The following SLC44A3 variants were observed in gnomAD, a reference collection of about 807,000 sequenced individuals.
The protein encoded by SLC44A3 is choline transporter-like protein 3.
In SLC44A3, 74 loss-of-function variants were observed where a neutral mutation model predicts 75.4. That is an observed-to-expected ratio of 0.98 (90% CI 0.81 to 1.19). The LOEUF (loss-of-function observed/expected upper bound fraction) is 1.19. SLC44A3 is among the 50% of genes most tolerant of loss of function. SLC44A3 has a pLI of 0.00. For missense variants in SLC44A3, 700 were observed against 778.6 expected (o/e 0.90, Z 1.20); for synonymous variants, 310 against 296.9 (o/e 1.04, Z -0.45).
intron 8 of SLC44A3, among the ~76,000 whole-genome samples, 157 bp from the exon 9 acceptor site, chr1:94,845,121 T>C (rs926801139): frequency 1.3e-5 from 2 of 152,198 alleles, no homozygotes; most frequent in Admixed American, 6.5e-5. Flanking sequence ...GCTCAGTTAG[T>C]GTTTGCGAAT....
At chr1:94,871,973 G>A (rs1667807468) in intron 12 of SLC44A3, among the ~76,000 whole-genome samples, 1 of 152,236 alleles carries the variant, frequency 6.6e-6, no homozygotes, top group African/African-American at 2.4e-5. Context: ...CACGTAGACA[G>A]TTGGGATTTG....
rs915104948 is a variant in SLC44A3, at chr1:94,863,489, T to C, written c.1239-1254T>C. Among the ~76,000 whole-genome samples the C allele has an allele frequency of 1.3e-4, 20 of 151,892 alleles. 1 individual carries two copies. The highest frequency in any genetic ancestry group is 2.4e-4 in the Non-Finnish European group (16 of 67,988). On this transcript the variant is annotated intron_variant, in intron 10 of 14. Transcript: ENST00000271227. ...TCCCCTCTTGAGCACCATAATAAGT[T>C]CTAAGGCACACAAATCTCCTCAATG...
At chr1:94,871,046 C>T (rs372789194) in intron 12 of SLC44A3, among the ~76,000 whole-genome samples, 5 of 152,280 alleles carry the variant, frequency 3.3e-5, no homozygotes, top group African/African-American at 1.2e-4. Context: ...AGAGGAGGCA[C>T]ATAGTGGCAG....
intron 3 of SLC44A3, among the ~76,000 whole-genome samples, chr1:94,826,416 C>T (rs1472392615): frequency 1.3e-5 from 2 of 152,080 alleles, no homozygotes; most frequent in Non-Finnish European, 2.9e-5. Context: ...GTTTGGAAGG[C>T]CAAGGCGGGC....
Position 94,828,515 on chromosome 1 carries a change from T to A in SLC44A3, c.438T>A (p.Ser146Arg). 1 of 1,614,004 alleles carries A rather than the reference T, an allele frequency of 6.2e-7. No homozygotes were observed. Among genetic ancestry groups the A allele is most frequent in the South Asian group, 1.1e-5 (1 of 91,016 alleles). Residue 146 changes from serine to arginine, a missense_variant, in exon 5 of 15, where the codon AGT becomes AGA. Physicochemically the swap from Ser to Arg is moderately radical, Grantham distance 110. Coordinates refer to ENST00000271227, the MANE Select transcript of SLC44A3 (RefSeq NM_001114106.3). ...NTSGSFLCVYSLNSFNYTHSP... is the reference protein window; with the variant it reads ...NTSGSFLCVYRLNSFNYTHSP... ...CAGGGTCCTTCCTGTGTGTTTATAG[T>A]TTGAATTCCTTCAACTATACCCACA...
intron 5 of SLC44A3, 101 bp from the exon 6 acceptor site, chr1:94,837,610 T>C (rs1571213286): frequency 8.2e-7 from 1 of 1,212,284 alleles, no homozygotes; most frequent in East Asian, 2.7e-5. Flanking sequence ...TCTATTACTG[T>C]AGTTCTTAAG....
chr1:94,858,672 G>GGTGT (rs1160082812), intron 10 of SLC44A3, among the ~76,000 whole-genome samples: 1 of 98,758 alleles, frequency 1.0e-5, no homozygotes, highest in Non-Finnish European at 2.3e-5. Context: ...AGCACTGTCG[G>GGTGT]GTGTTTGTTT....
At position 94,828,509 on chromosome 1, in the gene SLC44A3, T is replaced by A; in HGVS notation, c.432T>A (p.Val144=). The part of the protein sequence containing the change: ...FANTSGSFLC[V]YSLNSFNYTH... ...TGCTTCCAGGGTCCTTCCTGTGTGT[T>A]TATAGTTTGAATTCCTTCAACTATA... The change falls in exon 5 of 15, where the codon GTT becomes GTA. Residue 144 remains valine, a synonymous_variant. Coordinates refer to ENST00000271227, the MANE Select transcript of SLC44A3 (RefSeq NM_001114106.3). 6.2e-7 allele frequency: 1 copy of A among 1,613,790 alleles called. No individual in the cohort carries two copies. Among genetic ancestry groups the A allele is most frequent in the Non-Finnish European group, 8.5e-7 (1 of 1,179,814 alleles).
chr1:94,859,739 G>C (rs1263278553), intron 10 of SLC44A3, among the ~76,000 whole-genome samples: 1 of 152,110 alleles, frequency 6.6e-6, no homozygotes, highest in Non-Finnish European at 1.5e-5. Flanking sequence ...AAAGCAGGGG[G>C]AGTAAGTGAA....
Position 94,829,046 on chromosome 1 carries a change from C to T in SLC44A3, c.509+460C>T, listed in dbSNP as rs558842034. Among the ~76,000 whole-genome samples the T allele has an allele frequency of 1.9e-3, 289 of 152,226 alleles. 2 individuals carry two copies. Among genetic ancestry groups the T allele is most frequent in the African/African-American group, 6.5e-3 (271 of 41,544 alleles). On this transcript the variant is annotated intron_variant, in intron 5 of 14. Coordinates refer to ENST00000271227, the MANE Select transcript of SLC44A3 (RefSeq NM_001114106.3). ...ACGAGGTCAGGAGATGGAGACCATC[C>T]TGGCCAACGTGGTGAATCCCCATCT...
At chr1:94,882,305 G>A (rs1188938719) in intron 12 of SLC44A3, among the ~76,000 whole-genome samples, 1 of 152,212 alleles carries the variant, frequency 6.6e-6, no homozygotes, top group Non-Finnish European at 1.5e-5. Flanking sequence ...GCTGCCTGGA[G>A]TTCCTTGCCA....
rs1232400345 is a variant in SLC44A3 at position 94,895,043 on chromosome 1, A to G, written c.*121A>G. ...TTTTTTAAAAGACCTAATAAACCCT[A>G]TTCTTCCTCATTGTCTTTGTCATTA... On this transcript the variant is annotated 3_prime_UTR_variant, in exon 15 of 15. Coordinates refer to ENST00000271227, the MANE Select transcript of SLC44A3 (RefSeq NM_001114106.3). The G allele has an allele frequency of 1.5e-6, 1 of 648,138 alleles. No individual in the cohort carries two copies. The highest frequency in any genetic ancestry group is 2.7e-6 in the Non-Finnish European group (1 of 372,400). 40.1% of individuals were successfully genotyped at this position (648,138 alleles called of 1,614,324 possible).
rs367937576 is a variant in SLC44A3, at chr1:94,837,809, G to A, written c.608G>A (p.Arg203Gln). The change falls in exon 6 of 15, where the codon CGA becomes CAA. Residue 203 changes from arginine (R) to glutamine (Q), a missense_variant. Arg to Gln is a conservative substitution (Grantham distance 43). Coordinates refer to ENST00000271227, the MANE Select transcript of SLC44A3 (RefSeq NM_001114106.3). ...VLINDVDTLH[R>Q]ILSGIMSGRD... ...ATAAATGATGTTGACACCCTCCACCGAATTCTAAGTGGAATCATGTCGGGA... is the reference window on the plus strand; with the variant it reads ...ATAAATGATGTTGACACCCTCCACCAAATTCTAAGTGGAATCATGTCGGGA... 2.4e-5 allele frequency: 38 copies of A among 1,612,326 alleles called. No individual in the cohort carries two copies. The highest frequency in any genetic ancestry group is 3.3e-5 in the South Asian group (3 of 90,732).
At chr1:94,888,434 A>G (rs1669837274) in intron 12 of SLC44A3, among the ~76,000 whole-genome samples, 1 of 152,176 alleles carries the variant, frequency 6.6e-6, no homozygotes, top group Admixed American at 6.5e-5. Flanking sequence ...GGATGAATGA[A>G]TAGATTGGTC....
chr1:94,880,791 G>T (rs1488803786), intron 12 of SLC44A3, among the ~76,000 whole-genome samples: 2 of 151,810 alleles, frequency 1.3e-5, no homozygotes, highest in Non-Finnish European at 2.9e-5. Flanking sequence ...TGCAGGATGA[G>T]AAAGTTCTAG....
chr1:94,827,803 T>C (rs577526161), intron 4 of SLC44A3, among the ~76,000 whole-genome samples, 160 bp downstream of exon 4: 7 of 152,348 alleles, frequency 4.6e-5, no homozygotes, highest in African/African-American at 1.7e-4. Flanking sequence ...AAGCATTTTC[T>C]CTTGAGCTTG....
chr1:94,865,444 G>C (rs907931046), intron 11 of SLC44A3, among the ~76,000 whole-genome samples: 2 of 152,156 alleles, frequency 1.3e-5, no homozygotes, highest in Non-Finnish European at 2.9e-5. Context: ...GTACATGCGT[G>C]TGTACACATG....
rs1347622002 is a variant in SLC44A3 at position 94,842,031 on chromosome 1, T to C, written c.792T>C (p.Tyr264=). The change falls in exon 8 of 15, where the codon TAT becomes TAC. Residue 264 remains tyrosine (Y), a synonymous_variant. Coordinates refer to ENST00000271227, the MANE Select transcript of SLC44A3 (RefSeq NM_001114106.3). ...GCGGTGTTTTATGGTGGCTGTATTA[T>C]GACTATACCAACGACCTCAGCATAG... ...FVCGVLWWLY[Y]DYTNDLSIEL... is the part of the protein sequence containing the mutation. 9.3e-6 allele frequency: 15 copies of C among 1,613,508 alleles called. No homozygotes were observed. The highest frequency in any genetic ancestry group is 1.3e-5 in the Non-Finnish European group (15 of 1,179,786).
intron 5 of SLC44A3, among the ~76,000 whole-genome samples, chr1:94,836,361 C>A (rs1662780425): frequency 6.6e-6 from 1 of 152,144 alleles, no homozygotes; most frequent in Non-Finnish European, 1.5e-5. Context: ...AAAAAAAGGT[C>A]AACTTTCTCA....
Sources: gnomAD v4.1 joint callset for allele counts (sites outside exome capture counted in the v4.1 genomes callset) on GRCh38, gnomAD v4.1.1 for gene constraint, MANE v1.5 for transcripts, NCBI Gene and HGNC (gene_info 2026-07-23, HGNC 2026-07-21) for gene names.